The following KCNMA1 variants were observed in gnomAD, a reference collection of about 807,000 sequenced individuals.
KCNMA1 encodes the protein potassium calcium-activated channel subfamily M alpha 1.
In KCNMA1, 29 loss-of-function variants were observed where a neutral mutation model predicts 140.0. The ratio of observed to expected loss-of-function variants is 0.21; its 90% CI spans 0.15 to 0.28. The LOEUF (loss-of-function observed/expected upper bound fraction) is 0.28. KCNMA1 is among the 10% of genes least tolerant of loss of function. The pLI is 1.00. For missense variants in KCNMA1, 880 were observed against 1,602.2 expected, an observed-to-expected ratio of 0.55 and a Z score of 7.70; for synonymous variants, 612 against 611.9, an observed-to-expected ratio of 1.00 and a Z score of 0.00.
chr10:77,075,107 T>G (rs2096349088), intron 13 of KCNMA1, among the ~76,000 whole-genome samples: 1 of 152,216 alleles, frequency 6.6e-6, no homozygotes. Flanking sequence ...GAGATGACAG[T>G]GCCCTCCCTG....
At chr10:77,114,856 C>G (rs2097417742) in intron 6 of KCNMA1, among the ~76,000 whole-genome samples, 1 of 152,206 alleles carries the variant, frequency 6.6e-6, no homozygotes, top group African/African-American at 2.4e-5. Context: ...CCAGTAGTGG[C>G]TTAATGCAGC....
chr10:77,287,353 C>T (rs2071373184), intron 2 of KCNMA1, among the ~76,000 whole-genome samples: 1 of 152,216 alleles, frequency 6.6e-6, no homozygotes, highest in African/African-American at 2.4e-5. Context: ...GAGCCTGCAT[C>T]AGGAAAGCAC....
Position 76,909,580 on chromosome 10 carries a change from T to TC in KCNMA1, c.3147+385dup, listed in dbSNP as rs550346464. On this transcript the variant is annotated intron_variant, in intron 25 of 27. Coordinates refer to ENST00000286628, the MANE Select transcript of KCNMA1 (RefSeq NM_001161352.2). The stretch of plus-strand genomic sequence containing the variant: ...CTTTGCCTTCTTTGAGAGCCTCAGG[T>TC]CCCCCCCAACACCAGGTTTTGCATT... 1.4e-3 allele frequency among the ~76,000 whole-genome samples: 208 copies of TC among 152,084 alleles called. 1 individual carries two copies. Among genetic ancestry groups the TC allele is most frequent in the African/African-American group, 4.8e-3 (201 of 41,492 alleles).
intron 1 of KCNMA1, among the ~76,000 whole-genome samples, chr10:77,537,148 C>T (rs953221221): frequency 3.3e-5 from 5 of 152,204 alleles, no homozygotes; most frequent in African/African-American, 1.2e-4. Flanking sequence ...CCAGGACAGA[C>T]AGGAACTGTG....
intron 2 of KCNMA1, among the ~76,000 whole-genome samples, chr10:77,297,423 C>T (rs924514920): frequency 1.2e-4 from 18 of 152,148 alleles, no homozygotes; most frequent in African/African-American, 2.4e-4. Context: ...TTTTCTTTTG[C>T]GGCTCAGGGA....
intron 5 of KCNMA1, among the ~76,000 whole-genome samples, chr10:77,163,268 C>T (rs573029924): frequency 3.5e-4 from 54 of 152,142 alleles, no homozygotes; most frequent in Non-Finnish European, 5.6e-4. Context: ...TTCAGTGTCC[C>T]GAATACAATT....
chr10:77,050,999 T>C (rs2153629650), intron 14 of KCNMA1, among the ~76,000 whole-genome samples: 1 of 152,326 alleles, frequency 6.6e-6, no homozygotes, highest in South Asian at 2.1e-4. Context: ...ATTGATTCAG[T>C]GACCCCAGTA....
chr10:76,937,484 G>A (rs1464156201), intron 23 of KCNMA1, among the ~76,000 whole-genome samples: 3 of 152,192 alleles, frequency 2.0e-5, no homozygotes, highest in Non-Finnish European at 4.4e-5. Context: ...TATCTAGCCT[G>A]TCTTTACTGA....
At chr10:77,381,576 C>A (rs544837219) in intron 2 of KCNMA1, among the ~76,000 whole-genome samples, 1 of 152,190 alleles carries the variant, frequency 6.6e-6, no homozygotes, top group Non-Finnish European at 1.5e-5. Context: ...CAATAGATAG[C>A]AATTTGAATT....
At chr10:77,590,619 C>G (rs1453411810) in intron 1 of KCNMA1, among the ~76,000 whole-genome samples, 3 of 152,226 alleles carry the variant, frequency 2.0e-5, no homozygotes, top group African/African-American at 7.2e-5. Context: ...CCTTGGCCAC[C>G]CCAGAAAGGG....
chr10:77,025,589 G>T lies in KCNMA1; in HGVS notation c.1928+2234C>A, dbSNP rs1314207327. The T allele has an allele frequency of 1.3e-5, 9 of 704,924 alleles. No homozygotes were observed. In the East Asian group the frequency reaches 2.6e-4, roughly 20 times the overall value. 43.7% of individuals were successfully genotyped at this position (704,924 alleles called of 1,614,324 possible). A position where few individuals can be genotyped will look rare whatever the true frequency, so the allele number is the denominator to read the frequency against. On this transcript the variant is annotated intron_variant, in intron 16 of 27. Coordinates refer to ENST00000286628, the MANE Select transcript of KCNMA1 (RefSeq NM_001161352.2). ...ATGCATGTGAAAACAAGGTTTTTTG[G>T]CAAAGCATGAAAACAGTATCATGGG...
Position 76,885,182 on chromosome 10 carries a change from T to C in KCNMA1, c.*2084A>G, listed in dbSNP as rs1328426502. The C allele has an allele frequency of 9.2e-7, 1 of 1,082,522 alleles. No individual in the cohort carries two copies. Among genetic ancestry groups the C allele is most frequent in the East Asian group, 4.1e-5 (1 of 24,280 alleles). The allele number at this position is 1,082,522 out of a possible 1,614,324, so 67.1% of individuals were successfully genotyped here. ...GCATGAAGAGCTCTTCATGATCCAA[T>C]ACTAGGGGATACATATATATAGTTA... On this transcript the variant is annotated 3_prime_UTR_variant, in exon 28 of 28. Coordinates refer to ENST00000286628, the MANE Select transcript of KCNMA1 (RefSeq NM_001161352.2).
intron 23 of KCNMA1, among the ~76,000 whole-genome samples, chr10:76,941,390 C>A (rs2062341613): frequency 6.6e-6 from 1 of 152,158 alleles, no homozygotes; most frequent in Non-Finnish European, 1.5e-5. Context: ...AAACTCAGCT[C>A]ACAGAGTCAG....
At chr10:77,400,429 C>T (rs2096225748) in intron 2 of KCNMA1, among the ~76,000 whole-genome samples, 1 of 152,198 alleles carries the variant, frequency 6.6e-6, no homozygotes, top group South Asian at 2.1e-4. Context: ...AAATGTTTAA[C>T]AAGCAGGCCA....
Position 77,093,468 on chromosome 10 carries a change from C to T in KCNMA1, c.1224-2958G>A, listed in dbSNP as rs568115464. Reference sequence around the variant, plus strand: ...ATACAGTGAAAGTTATCAAGGAGCCCACATATTGAAAATGTTTGAATGCAG... The same window carrying T: ...ATACAGTGAAAGTTATCAAGGAGCCTACATATTGAAAATGTTTGAATGCAG... On this transcript the variant is annotated intron_variant, in intron 9 of 27. Transcript: ENST00000286628. Among the ~76,000 whole-genome samples, 104 of 152,178 alleles carry T rather than the reference C, an allele frequency of 6.8e-4. 1 individual carries two copies. Among genetic ancestry groups the T allele is most frequent in the African/African-American group, 2.4e-3 (101 of 41,510 alleles).
At chr10:77,057,510 T>C (rs2095583434) in intron 14 of KCNMA1, among the ~76,000 whole-genome samples, 1 of 152,124 alleles carries the variant, frequency 6.6e-6, no homozygotes, top group Admixed American at 6.5e-5. Context: ...TATACTTCTC[T>C]TGAATTCTTT....
chr10:77,456,250 TG>T (rs747888642), intron 1 of KCNMA1, among the ~76,000 whole-genome samples: 3 of 152,200 alleles, frequency 2.0e-5, no homozygotes, highest in African/African-American at 4.8e-5. Context: ...CCAGGGACTT[TG>T]CACTGGCTTT....
chr10:77,430,666 G>C (rs747076502), intron 1 of KCNMA1, among the ~76,000 whole-genome samples: 33 of 152,170 alleles, frequency 2.2e-4, no homozygotes, highest in Non-Finnish European at 4.1e-4. Flanking sequence ...TAGTTGAGAA[G>C]GACCTCACAG....
At chr10:77,251,923 A>T (rs12777941) in intron 2 of KCNMA1, among the ~76,000 whole-genome samples, 25,203 of 152,180 alleles carry the variant, frequency 0.17, 2,413 homozygotes, top group Middle Eastern at 0.23. Context: ...TGCTCGTACA[A>T]ATGTCCGTGT....
Sources: allele counts gnomAD v4.1 joint callset (sites outside exome capture counted in the v4.1 genomes callset), GRCh38; gene constraint gnomAD v4.1.1; transcripts MANE v1.5; gene names NCBI Gene and HGNC (gene_info 2026-07-23, HGNC 2026-07-21).